The following ANKRD28 variants were observed in gnomAD, a reference collection of about 807,000 sequenced individuals.
The protein encoded by ANKRD28 is ankyrin repeat domain 28, also known as serine/threonine-protein phosphatase 6 regulatory ankyrin repeat subunit A.
ANKRD28 carries 44 observed loss-of-function variants against 126.5 expected under a neutral mutation model. The observed-to-expected ratio is 0.35, with a 90% confidence interval of 0.27 to 0.45. The LOEUF is 0.45. ANKRD28 is among the 20% of genes least tolerant of loss of function. The pLI is 1.00. For missense variants in ANKRD28, 1,110 were observed against 1,316.6 expected (o/e 0.84, Z 2.43); for synonymous variants, 442 against 468.5 (o/e 0.94, Z 0.73).
intron 14 of ANKRD28, among the ~76,000 whole-genome samples, chr3:15,704,491 CAG>C (rs1019105700): frequency 2.0e-5 from 3 of 152,016 alleles, no homozygotes; most frequent in African/African-American, 4.8e-5. Context: ...GTGATGCTGA[CAG>C]GGGATTTTTA....
chr3:15,707,751 A>G (rs2071652193), intron 14 of ANKRD28, among the ~76,000 whole-genome samples, 173 bp downstream of exon 14: 1 of 152,246 alleles, frequency 6.6e-6, no homozygotes, highest in South Asian at 2.1e-4. Flanking sequence ...GGTAGTAATA[A>G]CTATGATTTA....
intron 2 of ANKRD28, among the ~76,000 whole-genome samples, chr3:15,785,300 T>C (rs1358778261): frequency 2.0e-5 from 3 of 151,946 alleles, no homozygotes; most frequent in South Asian, 2.1e-4. Context: ...TGGGAGAAAA[T>C]ATTTCCAAAA....
chr3:15,843,997 G>A lies in ANKRD28; in HGVS notation c.27+15380C>T. 6.6e-6 allele frequency among the ~76,000 whole-genome samples: 1 copy of A among 152,262 alleles called. No individual in the cohort carries two copies. The highest frequency in any genetic ancestry group is 1.9e-4 in the East Asian group (1 of 5,190). The stretch of plus-strand genomic sequence containing the variant: ...GAAATGCAGGAACGAAAGCTGGGTA[G>A]GGTAGGTGATAGTTGAAGAAAAAGG... On this transcript the variant is annotated intron_variant, in intron 1 of 27. Coordinates refer to the ANKRD28 transcript ENST00000399451. This position sits in a 1 kb window ranked among gnomAD's most constrained non-coding sequence, Gnocchi z 5.2.
intron 1 of ANKRD28, among the ~76,000 whole-genome samples, chr3:15,841,970 T>C (rs1314075288): frequency 4.0e-5 from 6 of 151,776 alleles, no homozygotes; most frequent in Admixed American, 2.6e-4. Flanking sequence ...ATTGAAGAGA[T>C]ATCTGCACTC....
Position 15,796,646 on chromosome 3 carries a change from T to TTG in ANKRD28, c.-126_-125insCA, listed in dbSNP as rs750677523. 1.0e-5 allele frequency: 10 copies of TTG among 994,822 alleles called. No individual in the cohort carries two copies. Among genetic ancestry groups the TTG allele is most frequent in the Non-Finnish European group, 1.2e-5 (10 of 831,988 alleles). The allele number at this position is 994,822 out of a possible 1,614,324, so 61.6% of individuals were successfully genotyped here. On this transcript the variant is annotated 5_prime_UTR_variant, in exon 1 of 28. Coordinates refer to ENST00000683139, the MANE Select transcript of ANKRD28 (RefSeq NM_001349278.2). ...ATTCTCTGAACAGCACAGCTGGGTT[T>TTG]TTTTTTTTTTTAAAGTTAATAAGTA...
At chr3:15,736,010 G>C (rs1257190439) in intron 5 of ANKRD28, among the ~76,000 whole-genome samples, 2 of 152,192 alleles carry the variant, frequency 1.3e-5, no homozygotes, top group Non-Finnish European at 2.9e-5. Context: ...GGCTACCGCA[G>C]ATCTCAAATA....
chr3:15,742,751 T>G (rs2057174055), intron 4 of ANKRD28, among the ~76,000 whole-genome samples: 8 of 108,612 alleles, frequency 7.4e-5, no homozygotes, highest in Non-Finnish European at 9.4e-5. Context: ...GGGAGGGAGG[T>G]GAGGGGGTCA....
At chr3:15,742,481 T>C (rs1329650279) in intron 4 of ANKRD28, among the ~76,000 whole-genome samples, 1 of 136,600 alleles carries the variant, frequency 7.3e-6, no homozygotes, top group Non-Finnish European at 1.6e-5. Flanking sequence ...GTCTGAGAAG[T>C]GAGGAGACCC....
intron 2 of ANKRD28, among the ~76,000 whole-genome samples, chr3:15,784,377 T>C (rs1304804876): frequency 1.3e-5 from 2 of 151,952 alleles, no homozygotes; most frequent in East Asian, 1.9e-4. Context: ...CAAGGAATGA[T>C]AAGGAGGAAT....
At position 15,859,173 on chromosome 3, in the gene ANKRD28, G is replaced by A. The variant is rs183296270; in HGVS notation, c.27+204C>T. ...GCGGCTAGACCCCCGTCGGCACGTG[G>A]GCTTCACCCAGGCCCCGGCAGCTCT... On this transcript the variant is annotated intron_variant, in intron 1 of 27. Transcript: ENST00000399451. 6.5e-3 allele frequency among the ~76,000 whole-genome samples: 990 copies of A among 152,306 alleles called. 12 individuals carry two copies. The highest frequency in any genetic ancestry group is 0.022 in the African/African-American group (917 of 41,584).
In ANKRD28 at chr3:15,812,590, T is replaced by C. The variant is rs1297267730; in HGVS notation, c.28-17284A>G. ...ACTATATTAAGTTGGCATTTCGTTG[T>C]TGTTTTTCTGTCTTGCTTACCAATT... On this transcript the variant is annotated intron_variant, in intron 1 of 27. Transcript: ENST00000399451. This position sits in a 1 kb window ranked among gnomAD's most constrained non-coding sequence, Gnocchi z 4.1. 6.6e-6 allele frequency among the ~76,000 whole-genome samples: 1 copy of C among 152,216 alleles called. No individual in the cohort carries two copies. The highest frequency in any genetic ancestry group is 1.9e-4 in the East Asian group (1 of 5,204).
intron 1 of ANKRD28, among the ~76,000 whole-genome samples, chr3:15,826,161 AAACTAG>A (rs1318170095): frequency 4.6e-5 from 7 of 152,360 alleles, no homozygotes; most frequent in African/African-American, 1.7e-4. Context: ...GTAATAACTA[AAACTAG>A]AAGATACCTA....
intron 4 of ANKRD28, among the ~76,000 whole-genome samples, chr3:15,740,054 T>G (rs907921151): frequency 6.6e-6 from 1 of 152,224 alleles, no homozygotes; most frequent in South Asian, 2.1e-4. Flanking sequence ...TCTGTACTAT[T>G]ACTCAGCAAT....
At chr3:15,716,038 A>C (rs1209609515) in intron 8 of ANKRD28, among the ~76,000 whole-genome samples, 1 of 148,862 alleles carries the variant, frequency 6.7e-6, no homozygotes, top group Non-Finnish European at 1.5e-5. Flanking sequence ...GCTGGAGTAC[A>C]GTGGTGTGAT....
chr3:15,806,072 A>G (rs1388954417), intron 1 of ANKRD28, among the ~76,000 whole-genome samples: 1 of 152,212 alleles, frequency 6.6e-6, no homozygotes, highest in Non-Finnish European at 1.5e-5. Flanking sequence ...TCCTTTTATC[A>G]AAGAGTGCTG....
At chr3:15,681,661 T>C (rs1273601718) in intron 21 of ANKRD28, among the ~76,000 whole-genome samples, 3 of 152,232 alleles carry the variant, frequency 2.0e-5, no homozygotes, top group Non-Finnish European at 4.4e-5. Flanking sequence ...TACCCTATAA[T>C]TGTGGAAAAG....
intron 1 of ANKRD28, among the ~76,000 whole-genome samples, chr3:15,818,035 A>G (rs762565311): frequency 2.6e-5 from 4 of 152,226 alleles, no homozygotes; most frequent in Non-Finnish European, 5.9e-5. Flanking sequence ...ATACTAAGGT[A>G]TAAATTCAAC....
chr3:15,808,316 A>G (rs1014506119), intron 1 of ANKRD28, among the ~76,000 whole-genome samples: 3 of 152,204 alleles, frequency 2.0e-5, no homozygotes, highest in Non-Finnish European at 4.4e-5. Flanking sequence ...CTTCTAGTTT[A>G]ACAATGTTTC....
chr3:15,695,587 A>G (rs190223569), intron 15 of ANKRD28, among the ~76,000 whole-genome samples: 3 of 152,232 alleles, frequency 2.0e-5, no homozygotes, highest in Admixed American at 2.0e-4. Flanking sequence ...AGCATCTTTA[A>G]CCTAAAGTAT....
Sources: gnomAD v4.1 joint callset for allele counts (sites outside exome capture counted in the v4.1 genomes callset) on GRCh38, gnomAD v4.1.1 for gene constraint, Gnocchi (gnomAD v3.1) non-coding constraint, MANE v1.5 for transcripts, NCBI Gene and HGNC (gene_info 2026-07-23, HGNC 2026-07-21) for gene names.